INTS6: variants seen among roughly 807,000 people sequenced by gnomAD.
INTS6 encodes DEAD box protein.
INTS6 carries 16 observed loss-of-function variants against 104.9 expected under a neutral mutation model. The ratio of observed to expected loss-of-function variants is 0.15; its 90% CI spans 0.10 to 0.23. The LOEUF is 0.23. Ranked by LOEUF, INTS6 falls within the 10% of genes least tolerant of loss-of-function variation. The pLI, the probability that INTS6 is intolerant of heterozygous loss-of-function variation, is 1.00. For missense variants in INTS6, 584 were observed against 1,062.8 expected (o/e 0.55, Z 6.26); for synonymous variants, 324 against 358.7 (o/e 0.90, Z 1.09).
At chr13:51,424,257 G>A (rs938431690) in intron 4 of INTS6, among the ~76,000 whole-genome samples, 5 of 151,704 alleles carry the variant, frequency 3.3e-5, no homozygotes, top group Non-Finnish European at 7.4e-5. Flanking sequence ...TCTAGATAGC[G>A]GATTAGTTAC....
chr13:51,450,067 A>T (rs1191634381), intron 3 of INTS6: 1 of 985,320 alleles, frequency 1.0e-6, no homozygotes. Context: ...AGTCACAGAA[A>T]GAATTTCCCT....
chr13:51,334,749 AG>A, the INTS6 span, among the ~76,000 whole-genome samples: 1 of 152,286 alleles, frequency 6.6e-6, no homozygotes, highest in East Asian at 1.9e-4. Flanking sequence ...TGGGAGGCCG[AG>A]GCAGGTGGAT....
intron 3 of INTS6, chr13:51,448,422 T>C (rs985691143): frequency 3.3e-5 from 5 of 152,316 alleles, no homozygotes; most frequent in African/African-American, 1.2e-4. Context: ...GCATGGAATT[T>C]TTTAGTGGGA....
In INTS6 at chr13:51,364,397, G is replaced by T; in HGVS notation, c.*1355C>A. 3 of 539,688 alleles carry T rather than the reference G, an allele frequency of 5.6e-6. No individual in the cohort carries two copies. The highest frequency in any genetic ancestry group is 6.3e-5 in the South Asian group (2 of 31,926). The allele number at this position is 539,688 out of a possible 1,614,324, so 33.4% of individuals were successfully genotyped here. ...AAAGTGTAAAAAGCTAAGGGTATGT[G>T]ATTTTCAATATTATAAACCTAAAAA... On this transcript the variant is annotated 3_prime_UTR_variant, in exon 18 of 18. Transcript: ENST00000311234.
At chr13:51,342,785 A>T in the INTS6 span, among the ~76,000 whole-genome samples, 1 of 152,166 alleles carries the variant, frequency 6.6e-6, no homozygotes, top group Non-Finnish European at 1.5e-5. Flanking sequence ...ATTCCTAGGA[A>T]TGTGATCTCA....
At chr13:51,375,254 AAGG>A (rs1179003743) in intron 13 of INTS6, among the ~76,000 whole-genome samples, 2 of 151,666 alleles carry the variant, frequency 1.3e-5, no homozygotes, top group African/African-American at 4.8e-5. Flanking sequence ...TAGGGAGGCT[AAGG>A]AGGAGAATCG....
At chr13:51,429,804 A>ATATATATATATATATATATATATG in intron 4 of INTS6, among the ~76,000 whole-genome samples, 2 of 133,194 alleles carry the variant, frequency 1.5e-5, no homozygotes, top group African/African-American at 5.8e-5. Flanking sequence ...ATATATATAT[A>ATATATATATATATATATATATATG]TATATGTATA....
intron 15 of INTS6, among the ~76,000 whole-genome samples, chr13:51,371,127 A>G (rs1275679608): frequency 6.6e-6 from 1 of 152,232 alleles, no homozygotes; most frequent in Non-Finnish European, 1.5e-5. Context: ...CTCAGACTGA[A>G]TAAATGAGAA....
chr13:51,334,874 T>C, the INTS6 span, among the ~76,000 whole-genome samples: 1 of 151,394 alleles, frequency 6.6e-6, no homozygotes, highest in South Asian at 2.1e-4. Context: ...TCCCAGCTAT[T>C]TGGGAGGCTG....
chr13:51,351,271 G>A (rs1288132541), downstream of INTS6, among the ~76,000 whole-genome samples: 1 of 152,146 alleles, frequency 6.6e-6, no homozygotes, highest in Non-Finnish European at 1.5e-5. Context: ...TACCAGTAAT[G>A]TGTGTGGAAT....
chr13:51,429,780 AAAAAAATATATAT>A (rs1379208112), intron 4 of INTS6, among the ~76,000 whole-genome samples: 1 of 131,656 alleles, frequency 7.6e-6, no homozygotes, highest in African/African-American at 3.1e-5. Flanking sequence ...AAAAAAAAAA[AAAAAAATATATAT>A]ATATATATAT....
At chr13:51,378,045 T>A (rs1323425952) in intron 12 of INTS6, among the ~76,000 whole-genome samples, 194 bp downstream of exon 12, 1 of 152,118 alleles carries the variant, frequency 6.6e-6, no homozygotes, top group Non-Finnish European at 1.5e-5. Context: ...TCTTCATCAA[T>A]CTATCCATTC....
rs187029778 is a variant in INTS6 at position 51,423,204 on chromosome 13, T to C, written c.429+7090A>G. On this transcript the variant is annotated intron_variant, in intron 4 of 17. Coordinates refer to ENST00000311234, the MANE Select transcript of INTS6 (RefSeq NM_012141.3). ...ACTGTTGCTGAATTAATTTAAAATA[T>C]ACTTTCACAATTCAAAATCTAACGA... The C allele has an allele frequency of 8.2e-3, 3,263 of 399,432 alleles. 26 individuals are homozygous for C. The highest frequency in any genetic ancestry group is 0.012 in the Non-Finnish European group (2,761 of 232,930). The allele number at this position is 399,432 out of a possible 1,614,324, so 24.7% of individuals were successfully genotyped here. A position where few individuals can be genotyped will look rare whatever the true frequency, so the allele number is the denominator to read the frequency against.
rs571697473 is a variant in INTS6 at position 51,430,625 on chromosome 13, G to A, written c.340-242C>T. Among the ~76,000 whole-genome samples the A allele has an allele frequency of 7.9e-5, 12 of 152,166 alleles. No individual in the cohort carries two copies. In the South Asian group the frequency reaches 2.5e-3, roughly 32 times the overall value. On this transcript the variant is annotated intron_variant, in intron 3 of 17. Transcript: ENST00000311234. ...GGATTTTTCACTTCTTTATAAATTT[G>A]TGTATTGCTTTCATTTTTAGAGGGA...
At chr13:51,416,646 T>A (rs769194312) in intron 4 of INTS6, among the ~76,000 whole-genome samples, 4 of 152,248 alleles carry the variant, frequency 2.6e-5, no homozygotes, top group African/African-American at 4.8e-5. Flanking sequence ...TTGTGTTGTT[T>A]CCACCTTTTG....
At chr13:51,378,494 A>G (rs1216708862) in intron 11 of INTS6, 40 bp from the exon 12 acceptor site, 1 of 1,314,844 alleles carries the variant, frequency 7.6e-7, no homozygotes, top group Non-Finnish European at 1.1e-6. Context: ...GATAAAATCT[A>G]AATTAATAAA....
At chr13:51,368,877 C>CTTTTTTTTT in intron 16 of INTS6, 62 bp downstream of exon 16, 1 of 1,474,862 alleles carries the variant, frequency 6.8e-7, no homozygotes, top group Non-Finnish European at 9.0e-7. Context: ...CTTTTTTTTT[C>CTTTTTTTTT]TTTTTTGCTT....
At chr13:51,370,932 G>A (rs1955791338) in intron 15 of INTS6, among the ~76,000 whole-genome samples, 1 of 152,150 alleles carries the variant, frequency 6.6e-6, no homozygotes, top group Admixed American at 6.5e-5. Flanking sequence ...GCATGCAGGT[G>A]TTGTCTGCAA....
chr13:51,451,700 T>C (rs891500922), intron 2 of INTS6: 1 of 182,996 alleles, frequency 5.5e-6, no homozygotes, highest in Non-Finnish European at 1.1e-5. Flanking sequence ...GGAGGGGAAA[T>C]GTCGGCCATG....
Sources: allele counts gnomAD v4.1 joint callset (sites outside exome capture counted in the v4.1 genomes callset), GRCh38; gene constraint gnomAD v4.1.1; transcripts MANE v1.5; gene names NCBI Gene and HGNC (gene_info 2026-07-23, HGNC 2026-07-21).